Variants in DIAPH3 observed in about 807,000 individuals in gnomAD.
DIAPH3 encodes protein diaphanous homolog 3.
A neutral mutation model predicts 144.3 loss-of-function variants in DIAPH3; 117 were observed. That is an observed-to-expected ratio of 0.81 (90% confidence interval 0.70 to 0.95). DIAPH3 has a LOEUF of 0.95. DIAPH3 is among the 40% of genes least tolerant of loss of function. DIAPH3 has a pLI of 0.00. For synonymous variants in DIAPH3, 519 were observed against 488.9 expected (o/e 1.06, Z -0.81); for missense variants, 1,421 against 1,412.7 (o/e 1.01, Z -0.09).
At chr13:60,115,670 A>AT (rs1566789291) in intron 2 of DIAPH3, among the ~76,000 whole-genome samples, 1 of 152,136 alleles carries the variant, frequency 6.6e-6, no homozygotes, top group Admixed American at 6.5e-5. Context: ...ATTTTGATTA[A>AT]TTTTAACTTT....
At chr13:59,807,418 T>A (rs1369341753) in intron 25 of DIAPH3, among the ~76,000 whole-genome samples, 3 of 152,072 alleles carry the variant, frequency 2.0e-5, no homozygotes, top group African/African-American at 7.2e-5. Flanking sequence ...TCTTAAATCA[T>A]AGCTGTTTCA....
chr13:60,085,956 T>A (rs1381055381), intron 4 of DIAPH3, among the ~76,000 whole-genome samples: 2 of 152,124 alleles, frequency 1.3e-5, no homozygotes, highest in Non-Finnish European at 2.9e-5. Flanking sequence ...AAAATGACCT[T>A]GGATGACCTC....
chr13:60,147,950 AATCTATTGC>A (rs1197258064), intron 1 of DIAPH3, among the ~76,000 whole-genome samples: 1 of 17,840 alleles, frequency 5.6e-5, no homozygotes, highest in Non-Finnish European at 1.4e-4. Flanking sequence ...AAGCTATTGC[AATCTATTGC>A]AATAACCCAG....
intron 24 of DIAPH3, among the ~76,000 whole-genome samples, chr13:59,822,650 T>C (rs2139647079): frequency 6.6e-6 from 1 of 152,054 alleles, no homozygotes; most frequent in African/African-American, 2.4e-5. Flanking sequence ...CACCATGTTG[T>C]GCAGGATGGT....
chr13:59,770,303 T>A (rs1000194600), intron 27 of DIAPH3, among the ~76,000 whole-genome samples: 1 of 152,134 alleles, frequency 6.6e-6, no homozygotes, highest in African/African-American at 2.4e-5. Flanking sequence ...AGTATAAACA[T>A]AAACATGTCT....
intron 2 of DIAPH3, among the ~76,000 whole-genome samples, chr13:60,127,492 A>G (rs1274597552): frequency 1.3e-5 from 2 of 151,878 alleles, no homozygotes; most frequent in African/African-American, 4.8e-5. Flanking sequence ...CTCCCACAAA[A>G]AACAAAAACA....
chr13:59,981,474 G>C (rs1315619121), intron 13 of DIAPH3, among the ~76,000 whole-genome samples: 2 of 149,350 alleles, frequency 1.3e-5, no homozygotes, highest in African/African-American at 4.9e-5. Flanking sequence ...TTGGCCATTA[G>C]GCCTGAAAAC....
intron 27 of DIAPH3, among the ~76,000 whole-genome samples, chr13:59,731,943 T>G (rs1249943912): frequency 6.6e-6 from 1 of 152,154 alleles, no homozygotes; most frequent in Non-Finnish European, 1.5e-5. Context: ...CTGAAAACAC[T>G]TAAAAGCCTA....
At chr13:59,670,720 C>T (rs866192293) in intron 27 of DIAPH3, among the ~76,000 whole-genome samples, 1 of 151,856 alleles carries the variant, frequency 6.6e-6, no homozygotes, top group African/African-American at 2.4e-5. Flanking sequence ...GTAGCTGGGA[C>T]TACAGGCGCC....
chr13:60,116,586 A>G (rs2058710160), intron 2 of DIAPH3, among the ~76,000 whole-genome samples: 1 of 150,996 alleles, frequency 6.6e-6, no homozygotes, highest in Non-Finnish European at 1.5e-5. Flanking sequence ...ACATACACAC[A>G]CATCCAAAAA....
At chr13:60,128,986 A>G (rs2059066039) in intron 2 of DIAPH3, among the ~76,000 whole-genome samples, 3 of 152,204 alleles carry the variant, frequency 2.0e-5, no homozygotes, top group Admixed American at 2.0e-4. Context: ...AAAAGATTTG[A>G]AAACCATTGC....
At chr13:59,902,836 A>C (rs556415888) in intron 20 of DIAPH3, among the ~76,000 whole-genome samples, 1 of 152,230 alleles carries the variant, frequency 6.6e-6, no homozygotes, top group Non-Finnish European at 1.5e-5. Flanking sequence ...ATCTTAAAAG[A>C]TGCATACCTC....
intron 14 of DIAPH3, among the ~76,000 whole-genome samples, chr13:59,980,011 C>G (rs1048051687): frequency 6.6e-6 from 1 of 151,600 alleles, no homozygotes; most frequent in Non-Finnish European, 1.5e-5. Flanking sequence ...CCTACTGTTC[C>G]ATTATTGGAA....
At chr13:59,955,515 G>A (rs545445861) in intron 17 of DIAPH3, among the ~76,000 whole-genome samples, 2 of 152,172 alleles carry the variant, frequency 1.3e-5, no homozygotes, top group South Asian at 4.2e-4. Context: ...CCAGTCTCGG[G>A]TATATCTTTA....
intron 5 of DIAPH3, among the ~76,000 whole-genome samples, chr13:60,035,832 T>C (rs1050180752): frequency 6.6e-6 from 1 of 152,180 alleles, no homozygotes; most frequent in African/African-American, 2.4e-5. Context: ...AGTAGGCACA[T>C]CTCTCTAATG....
chr13:59,945,498 C>T (rs1333124027), intron 17 of DIAPH3, among the ~76,000 whole-genome samples: 5 of 152,078 alleles, frequency 3.3e-5, no homozygotes, highest in Non-Finnish European at 7.4e-5. Flanking sequence ...CCATGATGGA[C>T]CCAGTAACCA....
intron 27 of DIAPH3, among the ~76,000 whole-genome samples, chr13:59,742,751 TC>T (rs1451964393): frequency 8.0e-4 from 122 of 151,994 alleles, no homozygotes; most frequent in African/African-American, 2.8e-3. Flanking sequence ...AAGACATGTC[TC>T]TTCTACACAG....
At chr13:59,970,266 T>C (rs560404617) in intron 16 of DIAPH3, among the ~76,000 whole-genome samples, 15 of 152,348 alleles carry the variant, frequency 9.8e-5, no homozygotes, top group African/African-American at 3.4e-4. Context: ...CATGATCCAA[T>C]AGTTGAGGAT....
intron 2 of DIAPH3, among the ~76,000 whole-genome samples, chr13:60,125,211 GTTGTT>G (rs1157605469): frequency 6.6e-6 from 1 of 151,826 alleles, no homozygotes; most frequent in African/African-American, 2.4e-5. Flanking sequence ...CCCTAGTTAT[GTTGTT>G]TTGTTTTGTT....
Sources: allele counts gnomAD v4.1 joint callset (sites outside exome capture counted in the v4.1 genomes callset), GRCh38; gene constraint gnomAD v4.1.1; transcripts MANE v1.5; gene names NCBI Gene and HGNC (gene_info 2026-07-23, HGNC 2026-07-21).